The following ZFPM2 variants were observed in gnomAD, a reference collection of about 807,000 sequenced individuals.
ZFPM2 encodes zinc finger protein, FOG family member 2.
In ZFPM2, 20 loss-of-function variants were observed where a neutral mutation model predicts 98.6. That is an observed-to-expected ratio of 0.20 (90% CI 0.14 to 0.29). The LOEUF (loss-of-function observed/expected upper bound fraction) is 0.29. Ranked by LOEUF, ZFPM2 falls within the 10% of genes least tolerant of loss-of-function variation. The pLI is 1.00. For missense variants in ZFPM2, 1,310 were observed against 1,388.6 expected (o/e 0.94, Z 0.90); for synonymous variants, 518 against 502.7 (o/e 1.03, Z -0.41).
At chr8:105,553,624 C>T (rs1381255717) in intron 3 of ZFPM2, among the ~76,000 whole-genome samples, 1 of 152,110 alleles carries the variant, frequency 6.6e-6, no homozygotes, top group Non-Finnish European at 1.5e-5. Context: ...TTCTGATTTG[C>T]TGCTGTCACC....
chr8:105,552,478 G>A (rs540503185), intron 3 of ZFPM2, among the ~76,000 whole-genome samples: 1 of 152,258 alleles, frequency 6.6e-6, no homozygotes, highest in South Asian at 2.1e-4. Context: ...AGCACACTGT[G>A]CCAGGCTTCT....
chr8:105,491,412 A>G (rs1345756868), intron 3 of ZFPM2, among the ~76,000 whole-genome samples: 1 of 152,146 alleles, frequency 6.6e-6, no homozygotes, highest in Non-Finnish European at 1.5e-5. Context: ...CATCTTTTCA[A>G]CAAACAAGCC....
intron 1 of ZFPM2, chr8:105,387,329 C>T (rs1469937819): frequency 1.2e-5 from 2 of 161,652 alleles, no homozygotes; most frequent in Non-Finnish European, 2.7e-5. Context: ...GCTGTGCGCC[C>T]GCACTCCTCA....
intron 4 of ZFPM2, among the ~76,000 whole-genome samples, chr8:105,625,587 T>G (rs1290380356): frequency 6.6e-6 from 1 of 151,832 alleles, no homozygotes; most frequent in East Asian, 1.9e-4. Context: ...AAAACCTATT[T>G]TTTTTTTTTT....
intron 5 of ZFPM2, among the ~76,000 whole-genome samples, chr8:105,674,947 C>A (rs1188659729): frequency 6.6e-6 from 1 of 151,984 alleles, no homozygotes; most frequent in Non-Finnish European, 1.5e-5. Context: ...TGTGGTTGAG[C>A]AAATTTAATG....
chr8:105,646,127 G>A (rs1180958023), intron 5 of ZFPM2, among the ~76,000 whole-genome samples: 2 of 149,428 alleles, frequency 1.3e-5, no homozygotes, highest in Non-Finnish European at 3.0e-5. Context: ...TATGGGACAC[G>A]TGTTCAAAAA....
chr8:105,657,995 G>A (rs1267066093), intron 5 of ZFPM2, among the ~76,000 whole-genome samples: 3 of 152,096 alleles, frequency 2.0e-5, no homozygotes, highest in Non-Finnish European at 2.9e-5. Flanking sequence ...TTGTGTATCA[G>A]CCATTATTCT....
At chr8:105,698,541 A>G (rs1191172768) in intron 5 of ZFPM2, among the ~76,000 whole-genome samples, 1 of 152,204 alleles carries the variant, frequency 6.6e-6, no homozygotes, top group Non-Finnish European at 1.5e-5. Flanking sequence ...ATTAATTTGA[A>G]TTTTTTGATG....
At chr8:105,607,064 A>G (rs1402206660) in intron 4 of ZFPM2, among the ~76,000 whole-genome samples, 1 of 152,128 alleles carries the variant, frequency 6.6e-6, no homozygotes, top group East Asian at 1.9e-4. Context: ...CGTGCCTTTG[A>G]TTTTAAGATT....
chr8:105,359,180 TC>T (rs1563620287), intron 1 of ZFPM2, among the ~76,000 whole-genome samples: 1 of 151,936 alleles, frequency 6.6e-6, no homozygotes, highest in Non-Finnish European at 1.5e-5. Flanking sequence ...ATGGTAGTTT[TC>T]CCCATGCTCG....
intron 6 of ZFPM2, 80 bp from the exon 7 acceptor site, chr8:105,798,644 A>T: frequency 1.5e-6 from 2 of 1,291,112 alleles, no homozygotes; most frequent in Admixed American, 4.1e-5. Flanking sequence ...GTCTGAGAAA[A>T]ATTGAACTAA....
chr8:105,582,602 G>A (rs73307959), intron 4 of ZFPM2, among the ~76,000 whole-genome samples: 3,852 of 152,108 alleles, frequency 0.025, 100 homozygotes, highest in African/African-American at 0.062. Flanking sequence ...TTGTTTGTTC[G>A]TTTGTTTGTT....
intron 3 of ZFPM2, among the ~76,000 whole-genome samples, chr8:105,489,448 T>TATATATATATATATATATATATATATATA (rs1489973438): frequency 2.8e-5 from 3 of 108,870 alleles, no homozygotes; most frequent in African/African-American, 1.2e-4. Flanking sequence ...ATATATGTTT[T>TATATATATATATATATATATATATATATA]TATATATATA....
At chr8:105,425,119 C>CACTGTCCTACCTGTATGTCT (rs1401681497) in intron 2 of ZFPM2, among the ~76,000 whole-genome samples, 1 of 152,080 alleles carries the variant, frequency 6.6e-6, no homozygotes, top group Non-Finnish European at 1.5e-5. Flanking sequence ...GCAGAAGAGG[C>CACTGTCCTACCTGTATGTCT]ACTGTCATAC....
intron 4 of ZFPM2, among the ~76,000 whole-genome samples, chr8:105,614,263 G>A (rs947003386): frequency 6.6e-6 from 1 of 152,018 alleles, no homozygotes; most frequent in Admixed American, 6.6e-5. Flanking sequence ...CATGTTGCAT[G>A]TTTGCTTCAT....
In ZFPM2 at chr8:105,765,978, A is replaced by G. The variant is rs144829713; in HGVS notation, c.533-22740A>G. ...CTCAACAATAAGTAAAAATTTAGCT[A>G]AAATCTCGCTGGTTAAACTGAATGT... On this transcript the variant is annotated intron_variant, in intron 5 of 7. Transcript: ENST00000407775. 2.6e-3 allele frequency among the ~76,000 whole-genome samples: 391 copies of G among 152,038 alleles called. 3 individuals carry two copies. The highest frequency in any genetic ancestry group is 9.0e-3 in the African/African-American group (373 of 41,530).
intron 1 of ZFPM2, among the ~76,000 whole-genome samples, chr8:105,331,777 T>C (rs531986175): frequency 1.3e-5 from 2 of 151,906 alleles, no homozygotes; most frequent in Middle Eastern, 6.8e-3. Context: ...CTCTAAGGAA[T>C]TGCTATATAG....
intron 2 of ZFPM2, among the ~76,000 whole-genome samples, chr8:105,439,992 C>T (rs1401081499): frequency 1.3e-5 from 2 of 152,154 alleles, no homozygotes; most frequent in Non-Finnish European, 2.9e-5. Context: ...GGTCAGGTAT[C>T]CCTAGTGGCA....
intron 1 of ZFPM2, among the ~76,000 whole-genome samples, chr8:105,409,610 A>C (rs538983272): frequency 1.3e-5 from 2 of 152,044 alleles, no homozygotes; most frequent in African/African-American, 4.8e-5. Context: ...ACTCTGTATA[A>C]ACTGTAAATT....
Sources: allele counts gnomAD v4.1 joint callset (sites outside exome capture counted in the v4.1 genomes callset), GRCh38; gene constraint gnomAD v4.1.1; transcripts MANE v1.5; gene names NCBI Gene and HGNC (gene_info 2026-07-23, HGNC 2026-07-21).